CAMKMT: variants seen among roughly 807,000 people sequenced by gnomAD.
CAMKMT encodes the protein CaM KMT.
Under a neutral mutation model 48.0 loss-of-function variants are expected in CAMKMT, and 53 were observed. The observed-to-expected ratio is 1.10, with a 90% CI of 0.89 to 1.39. The LOEUF (loss-of-function observed/expected upper bound fraction) is 1.39, where lower values mean the gene tolerates loss of function less well. Among genes scored for constraint, CAMKMT ranks in the 40% most tolerant of loss-of-function variants. The probability of loss-of-function intolerance (pLI) is 0.00; values close to 1 mark genes in which losing one functional copy is unlikely to be tolerated. For synonymous variants in CAMKMT, 165 were observed against 152.3 expected, an observed-to-expected ratio of 1.08 and a Z score of -0.61; for missense variants, 428 against 402.7, an observed-to-expected ratio of 1.06 and a Z score of -0.54.
chr2:44,426,308 A>T (rs1049604598), intron 3 of CAMKMT, among the ~76,000 whole-genome samples: 1 of 152,208 alleles, frequency 6.6e-6, no homozygotes, highest in African/African-American at 2.4e-5. Flanking sequence ...TACCACTCCT[A>T]TTCAATTTAG....
chr2:44,641,552 T>TTA (rs3083472), intron 3 of CAMKMT, among the ~76,000 whole-genome samples: 71 of 148,802 alleles, frequency 4.8e-4, no homozygotes, highest in Middle Eastern at 3.5e-3. Flanking sequence ...TTATGATATT[T>TTA]TATATATATA....
At chr2:44,626,495 A>G (rs546188588) in intron 3 of CAMKMT, among the ~76,000 whole-genome samples, 321 of 152,328 alleles carry the variant, frequency 2.1e-3, no homozygotes, top group Non-Finnish European at 4.0e-3. Context: ...TCAAAATACC[A>G]TAAACTGGGT....
At position 44,633,940 on chromosome 2, in the gene CAMKMT, G is replaced by T. The variant is rs191086036; in HGVS notation, c.377-70343G>T. ...CTTATTTTTGGTTTTGGTTTTTGGG[G>T]TTTTTTTAAGCTTTTGGAGGACATG... On this transcript the variant is annotated intron_variant, in intron 3 of 10. Transcript: ENST00000378494. Among the ~76,000 whole-genome samples the T allele has an allele frequency of 5.7e-3, 872 of 152,060 alleles. 7 individuals are homozygous for T. The highest frequency in any genetic ancestry group is 9.1e-3 in the South Asian group (44 of 4,818).
intron 10 of CAMKMT, among the ~76,000 whole-genome samples, chr2:44,767,854 G>A (rs1680909250): frequency 6.6e-6 from 1 of 152,196 alleles, no homozygotes; most frequent in African/African-American, 2.4e-5. Context: ...GGAACTACAA[G>A]GATCAGCTGA....
chr2:44,674,345 C>G (rs975905132), intron 3 of CAMKMT, among the ~76,000 whole-genome samples: 14 of 152,164 alleles, frequency 9.2e-5, no homozygotes, highest in Admixed American at 3.3e-4. Flanking sequence ...TCTGTTAACC[C>G]ATCTGTCTCC....
At chr2:44,521,151 T>G (rs933428854) in intron 3 of CAMKMT, among the ~76,000 whole-genome samples, 2 of 152,190 alleles carry the variant, frequency 1.3e-5, no homozygotes, top group South Asian at 4.1e-4. Flanking sequence ...TGTAGGTGAA[T>G]ATGGCTTGTG....
At chr2:44,761,508 A>T (rs1415951462) in intron 9 of CAMKMT, among the ~76,000 whole-genome samples, 1 of 152,254 alleles carries the variant, frequency 6.6e-6, no homozygotes, top group Non-Finnish European at 1.5e-5. Context: ...CCCCAATTAC[A>T]AAACAGATAA....
At chr2:44,544,512 G>C (rs2103625582) in intron 3 of CAMKMT, among the ~76,000 whole-genome samples, 1 of 152,280 alleles carries the variant, frequency 6.6e-6, no homozygotes, top group Admixed American at 6.5e-5. Context: ...GGCTGCAACT[G>C]CTTCCTTATT....
At chr2:44,379,031 CCTGAAAAGAAACCCCATATACA>C in intron 2 of CAMKMT, among the ~76,000 whole-genome samples, 1 of 152,226 alleles carries the variant, frequency 6.6e-6, no homozygotes, top group Admixed American at 6.5e-5. Flanking sequence ...TTTTCATTAC[CCTGAAAAGAAACCCCATATACA>C]TTGGCTGTAA....
chr2:44,474,446 C>CAAAAAAAAAAAAA (rs1222971931), intron 3 of CAMKMT, among the ~76,000 whole-genome samples: 2 of 57,996 alleles, frequency 3.4e-5, no homozygotes, highest in Admixed American at 1.8e-4. Context: ...GACTCCGTCT[C>CAAAAAAAAAAAAA]AAAAAAAAAA....
At chr2:44,420,579 A>T (rs1067379) in intron 3 of CAMKMT, among the ~76,000 whole-genome samples, 81,431 of 151,178 alleles carry the variant, frequency 0.54, 23,627 homozygotes, top group Non-Finnish European at 0.64. Context: ...ATATATATAT[A>T]TTTTTTTCTC....
At chr2:44,469,445 AT>A (rs1344424734) in intron 3 of CAMKMT, among the ~76,000 whole-genome samples, 4 of 151,730 alleles carry the variant, frequency 2.6e-5, no homozygotes, top group Non-Finnish European at 4.4e-5. Flanking sequence ...CTTTAAGTAT[AT>A]TTCTTTGTTT....
At chr2:44,366,896 A>T (rs940358023) in intron 1 of CAMKMT, among the ~76,000 whole-genome samples, 2 of 151,178 alleles carry the variant, frequency 1.3e-5, no homozygotes, top group African/African-American at 4.9e-5. Context: ...TAATTTTTGT[A>T]TTTTTTTTGG....
intron 3 of CAMKMT, among the ~76,000 whole-genome samples, chr2:44,542,531 ACACACACTCTCT>A (rs1345576329): frequency 6.6e-5 from 4 of 60,318 alleles, no homozygotes; most frequent in Middle Eastern, 0.018. Context: ...ACACACACAC[ACACACACTCTCT>A]CTCTCTCTCT....
chr2:44,770,701 TG>T lies in CAMKMT; in HGVS notation c.895-1333del, dbSNP rs1365111256. Among the ~76,000 whole-genome samples, 6 of 152,166 alleles carry T rather than the reference TG, an allele frequency of 3.9e-5. No homozygotes were observed. In the East Asian group the frequency reaches 1.2e-3, roughly 29 times the overall value. On this transcript the variant is annotated intron_variant, in intron 10 of 10. Coordinates refer to ENST00000378494, the MANE Select transcript of CAMKMT (RefSeq NM_024766.5). ...GGTCAGTGGGTATGGACTGGGAAGT[TG>T]GTGAAGCCATTTTCTCAGCATTTTC...
intron 3 of CAMKMT, among the ~76,000 whole-genome samples, chr2:44,685,838 A>G (rs1398375332): frequency 6.6e-6 from 1 of 152,222 alleles, no homozygotes; most frequent in South Asian, 2.1e-4. Flanking sequence ...CAACAATGGA[A>G]CAGGAAACCA....
intron 3 of CAMKMT, among the ~76,000 whole-genome samples, chr2:44,491,919 A>G (rs1322468249): frequency 1.3e-5 from 2 of 152,192 alleles, no homozygotes; most frequent in Non-Finnish European, 2.9e-5. Flanking sequence ...TTTTTAATCA[A>G]TTAAGTAATT....
chr2:44,546,912 T>A (rs1195293955), intron 3 of CAMKMT, among the ~76,000 whole-genome samples: 1 of 152,154 alleles, frequency 6.6e-6, no homozygotes, highest in African/African-American at 2.4e-5. Flanking sequence ...TGAGTTGGTG[T>A]TGGTTTCATT....
At chr2:44,670,018 G>T (rs374840333) in intron 3 of CAMKMT, among the ~76,000 whole-genome samples, 1 of 152,064 alleles carries the variant, frequency 6.6e-6, no homozygotes, top group Non-Finnish European at 1.5e-5. Context: ...TTTCTCTCTT[G>T]TGAAATGCCT....
Sources: gnomAD v4.1 joint callset for allele counts (sites outside exome capture counted in the v4.1 genomes callset) on GRCh38, gnomAD v4.1.1 for gene constraint, MANE v1.5 for transcripts, NCBI Gene and HGNC (gene_info 2026-07-23, HGNC 2026-07-21) for gene names.